KLF8: variants seen among roughly 807,000 people sequenced by gnomAD.
KLF8 encodes KLF transcription factor 8, also known as Krueppel-like factor 8.
A neutral mutation model predicts 18.2 loss-of-function variants in KLF8; 10 were observed. The ratio of observed to expected loss-of-function variants is 0.55; its 90% CI spans 0.34 to 0.93. The LOEUF is 0.93. Among genes scored for constraint, KLF8 ranks in the 40% least tolerant of loss-of-function variants. KLF8 has a pLI of 0.02. For synonymous variants in KLF8, 109 were observed against 97.3 expected, an observed-to-expected ratio of 1.12 and a Z score of -0.71; for missense variants, 264 against 277.9, an observed-to-expected ratio of 0.95 and a Z score of 0.36.
At chrX:56,283,738 C>A (rs1276373708) in intron 5 of KLF8, among the ~76,000 whole-genome samples, 1 of 112,142 alleles carries the variant, frequency 8.9e-6, no homozygotes, top group Non-Finnish European at 1.9e-5. Flanking sequence ...GTGCCAAAGA[C>A]CTGAGTTTAG....
chrX:56,029,665 G>A, the KLF8 span, among the ~76,000 whole-genome samples: 1 of 112,029 alleles, frequency 8.9e-6, no homozygotes, highest in Non-Finnish European at 1.9e-5. Context: ...TTTTTCTATG[G>A]TCTTTTTGCT....
the KLF8 span, among the ~76,000 whole-genome samples, chrX:56,155,656 T>G: frequency 9.0e-6 from 1 of 111,655 alleles, no homozygotes; most frequent in Non-Finnish European, 1.9e-5. Context: ...ACATAGTATC[T>G]TTTTTTAAAT....
the KLF8 span, among the ~76,000 whole-genome samples, chrX:56,147,386 G>T: frequency 8.9e-6 from 1 of 111,962 alleles, no homozygotes; most frequent in Non-Finnish European, 1.9e-5. Flanking sequence ...AACTCTTACA[G>T]ATACTTCTAG....
the KLF8 span, among the ~76,000 whole-genome samples, chrX:56,016,013 TAACA>T: frequency 8.9e-6 from 1 of 112,260 alleles, no homozygotes; most frequent in Non-Finnish European, 1.9e-5. Flanking sequence ...ACAAAGTAAC[TAACA>T]AACAATAAGC....
At chrX:55,910,099 T>A in the KLF8 span, among the ~76,000 whole-genome samples, 11 of 112,256 alleles carry the variant, frequency 9.8e-5, no homozygotes, top group East Asian at 3.1e-3. Flanking sequence ...CAGTTCCCGG[T>A]GCTCTGCAAT....
rs142294522 is a variant in KLF8, at chrX:56,269,471, T to C, written c.740T>C (p.Leu247Pro). 1.7e-6 allele frequency: 2 copies of C among 1,204,636 alleles called. No homozygotes were observed. Among genetic ancestry groups the C allele is most frequent in the Non-Finnish European group, 2.2e-6 (2 of 891,957 alleles). ...IESGSSALQS[L>P]QGLQQEPAAM... is the part of the protein sequence containing the mutation. The stretch of plus-strand genomic sequence containing the variant: ...AGTGGATCCTCAGCCTTGCAGAGTC[T>C]GCAGGGACTACAGCAAGAGTGAGTA... The change falls in exon 4 of 6, where the codon CTG becomes CCG. Residue 247 changes from leucine to proline, a missense_variant. Physicochemically the swap from Leu to Pro is moderately conservative, Grantham distance 98 (BLOSUM62 -3). Coordinates refer to ENST00000468660, the MANE Select transcript of KLF8 (RefSeq NM_007250.5).
chrX:55,922,514 G>A, the KLF8 span, among the ~76,000 whole-genome samples: 2 of 112,306 alleles, frequency 1.8e-5, no homozygotes, highest in Non-Finnish European at 3.8e-5. Flanking sequence ...TGCATGTGGG[G>A]CTTAATACCT....
chrX:56,069,991 G>A, the KLF8 span, among the ~76,000 whole-genome samples: 1 of 112,597 alleles, frequency 8.9e-6, no homozygotes, highest in Non-Finnish European at 1.9e-5. Context: ...GCAAAGACTT[G>A]GAGCCAACCC....
chrX:56,051,949 T>C, the KLF8 span, among the ~76,000 whole-genome samples: 2 of 110,407 alleles, frequency 1.8e-5, no homozygotes, highest in Non-Finnish European at 3.8e-5. Flanking sequence ...CCCATATTTC[T>C]TGGAGGCTTT....
chrX:56,056,520 A>G, the KLF8 span, among the ~76,000 whole-genome samples: 4 of 106,120 alleles, frequency 3.8e-5, no homozygotes, highest in African/African-American at 1.4e-4. Flanking sequence ...GAAACTGGAA[A>G]CCATCATTCT....
At chrX:56,032,452 C>G in the KLF8 span, among the ~76,000 whole-genome samples, 1 of 111,878 alleles carries the variant, frequency 8.9e-6, no homozygotes, top group Non-Finnish European at 1.9e-5. Context: ...GTTTCTGTCA[C>G]CTGAAAAGGC....
the KLF8 span, among the ~76,000 whole-genome samples, chrX:56,122,879 A>G: frequency 3.6e-5 from 4 of 111,065 alleles, no homozygotes; most frequent in Admixed American, 9.7e-5. Context: ...GTGAGCCACC[A>G]TGCCCAGCCT....
chrX:56,120,632 A>C, the KLF8 span, among the ~76,000 whole-genome samples: 2 of 111,445 alleles, frequency 1.8e-5, no homozygotes, highest in Non-Finnish European at 3.8e-5. Flanking sequence ...TAGCTCCAGA[A>C]ACATGCTTTT....
chrX:55,946,363 C>A, the KLF8 span, among the ~76,000 whole-genome samples: 1 of 111,393 alleles, frequency 9.0e-6, no homozygotes, highest in East Asian at 2.8e-4. Flanking sequence ...TTTGACAAAC[C>A]TGAGAAAAAC....
chrX:56,245,642 C>T (rs1379555819), intron 1 of KLF8, among the ~76,000 whole-genome samples: 2 of 112,007 alleles, frequency 1.8e-5, no homozygotes, highest in African/African-American at 3.2e-5. Context: ...GCTTGAAGAG[C>T]CAATCCAAGC....
At chrX:56,140,885 G>A in the KLF8 span, among the ~76,000 whole-genome samples, 9 of 107,551 alleles carry the variant, frequency 8.4e-5, no homozygotes, top group Admixed American at 9.0e-4. Context: ...TCATACTCTT[G>A]CCAACACAGG....
chrX:56,022,112 T>C, the KLF8 span, among the ~76,000 whole-genome samples: 1 of 110,866 alleles, frequency 9.0e-6, no homozygotes, highest in Non-Finnish European at 1.9e-5. Flanking sequence ...TCAGTGAAAA[T>C]GGTGCAGTGA....
chrX:56,270,401 G>A (rs749386515), intron 5 of KLF8, 80 bp downstream of exon 5: 1,062 of 902,408 alleles, frequency 1.2e-3, no homozygotes, highest in Non-Finnish European at 1.3e-3. Context: ...AGAGAGAGAG[G>A]GGCAGAGAGA....
At chrX:56,017,820 T>A in the KLF8 span, among the ~76,000 whole-genome samples, 15 of 112,101 alleles carry the variant, frequency 1.3e-4, no homozygotes, top group East Asian at 4.2e-3. Flanking sequence ...ATCAAGACTG[T>A]TTTACCTCTT....
Sources: gnomAD v4.1 joint callset for allele counts (sites outside exome capture counted in the v4.1 genomes callset) on GRCh38, gnomAD v4.1.1 for gene constraint, MANE v1.5 for transcripts, NCBI Gene and HGNC (gene_info 2026-07-23, HGNC 2026-07-21) for gene names.